Variants in SNX14 observed in about 807,000 individuals in gnomAD.
SNX14 encodes sorting nexin-14.
A neutral mutation model predicts 133.8 loss-of-function variants in SNX14; 93 were observed. The observed-to-expected ratio is 0.70, with a 90% CI of 0.59 to 0.83. The LOEUF is 0.83. SNX14 is among the 40% of genes least tolerant of loss of function. The pLI, the probability that SNX14 is intolerant of heterozygous loss-of-function variation, is 0.00. For missense variants in SNX14, 945 were observed against 1,094.9 expected (o/e 0.86, Z 1.93); for synonymous variants, 368 against 365.6 (o/e 1.01, Z -0.07).
At chr6:85,535,873 C>T (rs189108672) in intron 17 of SNX14, among the ~76,000 whole-genome samples, 37 of 152,166 alleles carry the variant, frequency 2.4e-4, no homozygotes, top group Non-Finnish European at 5.0e-4. Context: ...CCCTTTTATA[C>T]CCACGTTAGT....
At chr6:85,543,503 AGCTG>A in intron 13 of SNX14, 98 bp downstream of exon 13, 3 of 1,088,170 alleles carry the variant, frequency 2.8e-6, no homozygotes, top group Non-Finnish European at 3.9e-6. Flanking sequence ...ATAGAATAAT[AGCTG>A]CCCATGTACT....
At chr6:85,510,861 A>G (rs1329080297) in intron 26 of SNX14, among the ~76,000 whole-genome samples, 1 of 152,150 alleles carries the variant, frequency 6.6e-6, no homozygotes, top group Non-Finnish European at 1.5e-5. Flanking sequence ...GGTAGTGTCA[A>G]TCCTGTGACT....
At chr6:85,538,740 A>G in intron 16 of SNX14, 98 bp downstream of exon 16, 6 of 990,288 alleles carry the variant, frequency 6.1e-6, no homozygotes, top group Non-Finnish European at 9.0e-6. Context: ...TTAATACCAC[A>G]GTGTTCCATT....
intron 26 of SNX14, among the ~76,000 whole-genome samples, chr6:85,511,953 G>C (rs983986428): frequency 1.3e-5 from 2 of 152,102 alleles, no homozygotes; most frequent in African/African-American, 4.8e-5. Flanking sequence ...GAGAGGAAGG[G>C]TTCTATAGTC....
intron 7 of SNX14, 93 bp from the exon 8 acceptor site, chr6:85,549,972 C>T (rs966207205): frequency 6.5e-5 from 72 of 1,109,686 alleles, no homozygotes; most frequent in Admixed American, 9.8e-5. Flanking sequence ...ATGGGCTGGG[C>T]GTGGTGGCTC....
At chr6:85,586,004 A>C (rs907754588) in intron 1 of SNX14, among the ~76,000 whole-genome samples, 14 of 152,184 alleles carry the variant, frequency 9.2e-5, no homozygotes, top group Admixed American at 2.0e-4. Flanking sequence ...AAAAAAAAAA[A>C]AAAACTAAAT....
chr6:85,559,761 A>G (rs1366460241), intron 6 of SNX14, among the ~76,000 whole-genome samples: 2 of 152,210 alleles, frequency 1.3e-5, no homozygotes, highest in Non-Finnish European at 2.9e-5. Context: ...TATCTGATAA[A>G]GGACATGTAT....
chr6:85,524,244 G>T (rs1307009705), intron 21 of SNX14, among the ~76,000 whole-genome samples: 1 of 152,068 alleles, frequency 6.6e-6, no homozygotes, highest in Admixed American at 6.6e-5. Flanking sequence ...TATAGGTAAA[G>T]ATTAAAATAA....
At chr6:85,556,260 A>G (rs1426552617) in intron 7 of SNX14, among the ~76,000 whole-genome samples, 4 of 152,014 alleles carry the variant, frequency 2.6e-5, no homozygotes, top group Admixed American at 6.5e-5. Context: ...TTTACAACAC[A>G]ACAATTAAGT....
intron 12 of SNX14, among the ~76,000 whole-genome samples, chr6:85,546,226 T>C (rs975106647): frequency 6.6e-6 from 1 of 152,256 alleles, no homozygotes; most frequent in Admixed American, 6.5e-5. Context: ...ATAAATGTTC[T>C]AGATCTTGAT....
intron 4 of SNX14, among the ~76,000 whole-genome samples, chr6:85,569,006 C>T (rs188307128): frequency 2.7e-3 from 415 of 151,078 alleles, no homozygotes; most frequent in African/African-American, 9.5e-3. Context: ...ACTCTTCTTG[C>T]CCGGGCTGGA....
At chr6:85,512,913 G>C (rs1422002311) in intron 26 of SNX14, among the ~76,000 whole-genome samples, 2 of 152,044 alleles carry the variant, frequency 1.3e-5, no homozygotes, top group East Asian at 3.9e-4. Flanking sequence ...CTTGTTACTA[G>C]GATGGAGTGA....
chr6:85,566,994 AC>A (rs1562357042), intron 5 of SNX14, among the ~76,000 whole-genome samples: 2 of 152,190 alleles, frequency 1.3e-5, no homozygotes, highest in African/African-American at 4.8e-5. Context: ...GGAAAAAAAA[AC>A]CATTAATTCT....
intron 24 of SNX14, 112 bp downstream of exon 24, chr6:85,514,394 G>C: frequency 1.4e-6 from 2 of 1,436,670 alleles, no homozygotes; most frequent in Non-Finnish European, 1.9e-6. Context: ...TATTATAAAA[G>C]GTATCTTCAA....
At chr6:85,520,875 G>A (rs1776641516) in intron 21 of SNX14, among the ~76,000 whole-genome samples, 1 of 152,140 alleles carries the variant, frequency 6.6e-6, no homozygotes, top group East Asian at 1.9e-4. Context: ...AATTGCTGAT[G>A]AACATTTGTG....
At chr6:85,541,273 G>GT (rs1210101862) in intron 15 of SNX14, among the ~76,000 whole-genome samples, 1 of 152,130 alleles carries the variant, frequency 6.6e-6, no homozygotes, top group African/African-American at 2.4e-5. Flanking sequence ...GATTACAGGC[G>GT]TGAGCCACCG....
intron 26 of SNX14, among the ~76,000 whole-genome samples, chr6:85,510,430 G>A (rs1248526380): frequency 6.6e-6 from 1 of 152,116 alleles, no homozygotes; most frequent in Non-Finnish European, 1.5e-5. Context: ...CTTTGGTAAG[G>A]TGTCAAGATA....
intron 19 of SNX14, among the ~76,000 whole-genome samples, chr6:85,529,816 A>C (rs948267335): frequency 2.0e-5 from 3 of 152,206 alleles, no homozygotes; most frequent in African/African-American, 7.2e-5. Flanking sequence ...TCACCAAGCT[A>C]AATACAAAAA....
intron 1 of SNX14, among the ~76,000 whole-genome samples, chr6:85,582,373 A>G (rs569218479): frequency 1.3e-5 from 2 of 152,280 alleles, no homozygotes; most frequent in Admixed American, 6.5e-5. Flanking sequence ...TAGTTCTTCA[A>G]TCTGAAAGAA....
Sources: allele counts gnomAD v4.1 joint callset (sites outside exome capture counted in the v4.1 genomes callset), GRCh38; gene constraint gnomAD v4.1.1; transcripts MANE v1.5; gene names NCBI Gene and HGNC (gene_info 2026-07-23, HGNC 2026-07-21).